Variants in DOCK3 observed in about 807,000 individuals in gnomAD.
DOCK3 encodes dedicator of cytokinesis 3, also known as dedicator of cytokinesis protein 3.
Under a neutral mutation model 265.6 loss-of-function variants are expected in DOCK3, and 60 were observed. That is an observed-to-expected ratio of 0.23 (90% confidence interval 0.18 to 0.28). The LOEUF (loss-of-function observed/expected upper bound fraction) is 0.28, where lower values mean the gene tolerates loss of function less well. DOCK3 is among the 10% of genes least tolerant of loss of function. DOCK3 has a pLI of 1.00. For missense variants in DOCK3, 1,981 were observed against 2,594.3 expected, an observed-to-expected ratio of 0.76 and a Z score of 5.14; for synonymous variants, 881 against 938.0, an observed-to-expected ratio of 0.94 and a Z score of 1.11.
chr3:51,148,659 G>A (rs577806066), intron 10 of DOCK3, among the ~76,000 whole-genome samples: 5 of 152,292 alleles, frequency 3.3e-5, no homozygotes, highest in African/African-American at 1.2e-4. Flanking sequence ...TTCTAGATGT[G>A]TGGTGTTATT....
chr3:51,249,109 T>C (rs1202216161), intron 22 of DOCK3, among the ~76,000 whole-genome samples: 2 of 126,136 alleles, frequency 1.6e-5, no homozygotes, highest in African/African-American at 3.1e-5. Context: ...GTGGGGGGGG[T>C]CAGCCCCCCG....
At chr3:51,052,112 A>G (rs2081015662) in intron 5 of DOCK3, among the ~76,000 whole-genome samples, 1 of 152,198 alleles carries the variant, frequency 6.6e-6, no homozygotes. Flanking sequence ...CAGAGGAAGG[A>G]TGAGTAGTAG....
intron 5 of DOCK3, among the ~76,000 whole-genome samples, chr3:51,058,396 CTG>C (rs2081278289): frequency 6.6e-6 from 1 of 152,094 alleles, no homozygotes; most frequent in Non-Finnish European, 1.5e-5. Context: ...AAAATGCAAT[CTG>C]TGAAACTCTT....
chr3:50,703,099 T>A (rs2036159373), intron 1 of DOCK3, among the ~76,000 whole-genome samples: 1 of 152,214 alleles, frequency 6.6e-6, no homozygotes, highest in Non-Finnish European at 1.5e-5. Flanking sequence ...ATTGATTTGA[T>A]CATATGCTTT....
intron 5 of DOCK3, among the ~76,000 whole-genome samples, chr3:51,051,835 C>T (rs948179095): frequency 7.9e-5 from 12 of 152,072 alleles, no homozygotes; most frequent in Admixed American, 5.2e-4. Context: ...AAAATGGGAG[C>T]AGACACATCA....
At chr3:51,193,071 A>G (rs2088047399) in intron 12 of DOCK3, among the ~76,000 whole-genome samples, 1 of 152,078 alleles carries the variant, frequency 6.6e-6, no homozygotes, top group Non-Finnish European at 1.5e-5. Flanking sequence ...TGTGGCCTTT[A>G]TTATTTTCAG....
At chr3:50,860,899 A>C (rs1019938385) in intron 3 of DOCK3, among the ~76,000 whole-genome samples, 2 of 152,220 alleles carry the variant, frequency 1.3e-5, no homozygotes, top group Non-Finnish European at 2.9e-5. Context: ...CTAGGGGTAC[A>C]TACAGCAGTC....
chr3:51,381,708 G>T lies in DOCK3; in HGVS notation c.*149G>T. 1 of 1,091,018 alleles carries T rather than the reference G, an allele frequency of 9.2e-7. No homozygotes were observed. The highest frequency in any genetic ancestry group is 1.3e-6 in the Non-Finnish European group (1 of 792,904). 67.6% of individuals were successfully genotyped at this position (1,091,018 alleles called of 1,614,324 possible). A position where few individuals can be genotyped will look rare whatever the true frequency, so the allele number is the denominator to read the frequency against. On this transcript the variant is annotated 3_prime_UTR_variant, in exon 53 of 53. Transcript: ENST00000266037. The surrounding 1 kb of genome is among the most constrained non-coding windows in gnomAD (Gnocchi z 5.6). ...ACCCCCAAGTCTCCGTTCTACTGCCGTGAACTCATGTGTTGCCATGTACAG... is the reference window on the plus strand; with the variant it reads ...ACCCCCAAGTCTCCGTTCTACTGCCTTGAACTCATGTGTTGCCATGTACAG...
intron 1 of DOCK3, among the ~76,000 whole-genome samples, chr3:50,714,655 T>C (rs1436573717): frequency 6.6e-6 from 1 of 152,174 alleles, no homozygotes; most frequent in Non-Finnish European, 1.5e-5. Context: ...CTCACTATGT[T>C]GCCCAGGCTG....
At chr3:50,800,532 C>T (rs990252791) in intron 2 of DOCK3, among the ~76,000 whole-genome samples, 1 of 152,046 alleles carries the variant, frequency 6.6e-6, no homozygotes, top group Non-Finnish European at 1.5e-5. Context: ...TGTGCTGTCT[C>T]ATTTTTCACT....
intron 4 of DOCK3, chr3:50,898,628 T>G (rs2049017977): frequency 6.6e-6 from 1 of 152,232 alleles, no homozygotes; most frequent in African/African-American, 2.4e-5. Context: ...TGCTATAAAT[T>G]TCCCCCTACA....
At chr3:50,987,568 G>A (rs911414730) in intron 5 of DOCK3, among the ~76,000 whole-genome samples, 21 of 152,124 alleles carry the variant, frequency 1.4e-4, no homozygotes, top group African/African-American at 4.1e-4. Flanking sequence ...ATGGCCCACC[G>A]GAAGCAACTA....
At chr3:51,373,340 C>T (rs1394074727) in intron 49 of DOCK3, among the ~76,000 whole-genome samples, 3 of 152,204 alleles carry the variant, frequency 2.0e-5, no homozygotes, top group African/African-American at 7.2e-5. Context: ...AACTACCCAA[C>T]TTCACTCAGA....
At chr3:50,770,166 C>T (rs1332112555) in intron 1 of DOCK3, among the ~76,000 whole-genome samples, 1 of 152,074 alleles carries the variant, frequency 6.6e-6, no homozygotes, top group East Asian at 1.9e-4. Context: ...GTCAAATTAT[C>T]CATATTTGCA....
At chr3:50,994,467 T>G (rs891537044) in intron 5 of DOCK3, among the ~76,000 whole-genome samples, 6 of 152,148 alleles carry the variant, frequency 3.9e-5, no homozygotes, top group African/African-American at 1.4e-4. Context: ...TCAAAACTGG[T>G]GTGATGTCAA....
At chr3:51,267,189 G>A (rs1332858091) in intron 23 of DOCK3, among the ~76,000 whole-genome samples, 1 of 152,160 alleles carries the variant, frequency 6.6e-6, no homozygotes, top group Non-Finnish European at 1.5e-5. Flanking sequence ...AGAGGATGTG[G>A]AGAAATAGGA....
At chr3:51,353,243 G>A (rs1212141935) in intron 40 of DOCK3, among the ~76,000 whole-genome samples, 1 of 152,214 alleles carries the variant, frequency 6.6e-6, no homozygotes, top group African/African-American at 2.4e-5. Context: ...GGAGAGGCCA[G>A]CCTGCTCCTC....
chr3:50,829,094 A>G (rs1488092005), intron 2 of DOCK3, among the ~76,000 whole-genome samples: 1 of 152,024 alleles, frequency 6.6e-6, no homozygotes, highest in Non-Finnish European at 1.5e-5. Context: ...TTTATTTGCC[A>G]TTTAGATACA....
At chr3:50,723,612 A>T (rs377745518) in intron 1 of DOCK3, among the ~76,000 whole-genome samples, 1 of 152,254 alleles carries the variant, frequency 6.6e-6, no homozygotes, top group East Asian at 1.9e-4. Context: ...TTCCCTATTT[A>T]ATAAATGGTG....
Sources: gnomAD v4.1 joint callset for allele counts (sites outside exome capture counted in the v4.1 genomes callset) on GRCh38, gnomAD v4.1.1 for gene constraint, Gnocchi (gnomAD v3.1) non-coding constraint, MANE v1.5 for transcripts, NCBI Gene and HGNC (gene_info 2026-07-23, HGNC 2026-07-21) for gene names.